Variants in ASAP1 observed in about 807,000 individuals in gnomAD.
The protein encoded by ASAP1 is ArfGAP with SH3 domain, ankyrin repeat and PH domain 1, also known as arf-GAP with SH3 domain, ANK repeat and PH domain-containing protein 1.
In ASAP1, 43 loss-of-function variants were observed where a neutral mutation model predicts 145.2. That is an observed-to-expected ratio of 0.30 (90% CI 0.23 to 0.38). The LOEUF (loss-of-function observed/expected upper bound fraction) is 0.38, where lower values mean the gene tolerates loss of function less well. Ranked by LOEUF, ASAP1 falls within the 10% of genes least tolerant of loss-of-function variation. The probability of loss-of-function intolerance (pLI) is 1.00; values close to 1 mark genes in which losing one functional copy is unlikely to be tolerated. For synonymous variants in ASAP1, 546 were observed against 515.5 expected (o/e 1.06, Z -0.80); for missense variants, 1,018 against 1,355.3 (o/e 0.75, Z 3.91).
intron 12 of ASAP1, among the ~76,000 whole-genome samples, chr8:130,155,634 A>C (rs2097656954): frequency 6.6e-6 from 1 of 152,244 alleles, no homozygotes; most frequent in Non-Finnish European, 1.5e-5. Context: ...GGCATGAGCC[A>C]CTGCGCCCAG....
At chr8:130,283,371 G>A (rs1821371454) in intron 3 of ASAP1, among the ~76,000 whole-genome samples, 1 of 152,098 alleles carries the variant, frequency 6.6e-6, no homozygotes, top group Non-Finnish European at 1.5e-5. Context: ...ACGAGGTCAA[G>A]AGATCGAGAC....
chr8:130,170,033 T>C (rs1813471532), intron 9 of ASAP1, among the ~76,000 whole-genome samples: 1 of 152,208 alleles, frequency 6.6e-6, no homozygotes, highest in African/African-American at 2.4e-5. Flanking sequence ...TCTCTAACCA[T>C]GTCCCTACAG....
At chr8:130,057,873 C>T in intron 29 of ASAP1, 81 bp downstream of exon 29, 1 of 1,566,528 alleles carries the variant, frequency 6.4e-7, no homozygotes, top group South Asian at 1.1e-5. Context: ...TTTTACTGCA[C>T]TGTCTGTAGG....
intron 25 of ASAP1, among the ~76,000 whole-genome samples, chr8:130,085,247 C>A (rs887685542): frequency 6.6e-6 from 1 of 152,148 alleles, no homozygotes; most frequent in Non-Finnish European, 1.5e-5. Context: ...TTTGCTCTTG[C>A]CTGTAAGAAT....
chr8:130,380,104 G>T (rs563637872), intron 2 of ASAP1, among the ~76,000 whole-genome samples: 1 of 152,300 alleles, frequency 6.6e-6, no homozygotes, highest in Admixed American at 6.5e-5. Context: ...TCTCAGGTTG[G>T]GTTCCCCCAG....
At chr8:130,274,498 C>G (rs75688885) in intron 3 of ASAP1, among the ~76,000 whole-genome samples, 1 of 151,822 alleles carries the variant, frequency 6.6e-6, no homozygotes. Flanking sequence ...CCAGACCACT[C>G]GATCTACCTT....
chr8:130,286,193 G>C (rs906824629), intron 3 of ASAP1, among the ~76,000 whole-genome samples: 31 of 152,184 alleles, frequency 2.0e-4, no homozygotes, highest in Non-Finnish European at 8.8e-5. Context: ...GTAGGTTTTA[G>C]ACACCAGGAC....
chr8:130,150,755 C>T (rs1381786466), intron 13 of ASAP1, among the ~76,000 whole-genome samples: 2 of 152,112 alleles, frequency 1.3e-5, no homozygotes, highest in African/African-American at 2.4e-5. Flanking sequence ...TGAAGTGTGC[C>T]TGCATTCCCA....
At chr8:130,269,869 C>A (rs566118914) in intron 3 of ASAP1, among the ~76,000 whole-genome samples, 1 of 152,134 alleles carries the variant, frequency 6.6e-6, no homozygotes, top group African/African-American at 2.4e-5. Flanking sequence ...TTGAGGCATT[C>A]GTTCCAAGTT....
chr8:130,340,580 GA>G (rs1358582786), intron 3 of ASAP1, among the ~76,000 whole-genome samples: 8 of 152,160 alleles, frequency 5.3e-5, no homozygotes, highest in Non-Finnish European at 2.9e-5. Context: ...CTTAAACTTT[GA>G]ATTTAAAAAT....
intron 18 of ASAP1, among the ~76,000 whole-genome samples, chr8:130,123,022 C>T (rs1370141327): frequency 2.6e-5 from 4 of 152,142 alleles, no homozygotes; most frequent in Non-Finnish European, 4.4e-5. Context: ...GGTAGTTTTA[C>T]AATCAAATTA....
chr8:130,054,965 C>T (rs574929426), intron 29 of ASAP1, among the ~76,000 whole-genome samples, 160 bp from the exon 30 acceptor site: 38 of 152,190 alleles, frequency 2.5e-4, no homozygotes, highest in Non-Finnish European at 5.3e-4. Flanking sequence ...GAGAGCTTAA[C>T]GGTCATAAAC....
chr8:130,263,150 T>G (rs751945214), intron 3 of ASAP1, among the ~76,000 whole-genome samples: 6 of 152,172 alleles, frequency 3.9e-5, no homozygotes, highest in Non-Finnish European at 7.3e-5. Flanking sequence ...AAACTTACCT[T>G]CAAAATGCCC....
intron 1 of ASAP1, among the ~76,000 whole-genome samples, chr8:130,434,662 G>C (rs1295343319): frequency 6.6e-6 from 1 of 152,180 alleles, no homozygotes; most frequent in Non-Finnish European, 1.5e-5. Context: ...CAGCCCACTG[G>C]AGGGGTCATG....
intron 5 of ASAP1, among the ~76,000 whole-genome samples, chr8:130,211,915 G>A (rs906965104): frequency 2.1e-4 from 32 of 152,304 alleles, no homozygotes; most frequent in African/African-American, 7.5e-4. Context: ...AATCTTCTGA[G>A]AAGTATGGGT....
chr8:130,292,140 G>C (rs77162821), intron 3 of ASAP1, among the ~76,000 whole-genome samples: 5,333 of 152,192 alleles, frequency 0.035, 127 homozygotes, highest in Middle Eastern at 0.068. Context: ...AATCTATAAA[G>C]AGCAGACTAT....
intron 13 of ASAP1, among the ~76,000 whole-genome samples, chr8:130,141,910 A>T (rs2097612664): frequency 6.6e-6 from 1 of 151,640 alleles, no homozygotes; most frequent in Non-Finnish European, 1.5e-5. Context: ...TAGAGATGGG[A>T]TCTTGGTTTG....
intron 3 of ASAP1, among the ~76,000 whole-genome samples, chr8:130,242,271 A>AC (rs1818575690): frequency 6.0e-5 from 9 of 150,086 alleles, no homozygotes; most frequent in African/African-American, 2.2e-4. Context: ...TAAAAAAAAA[A>AC]AAAAAAAAAA....
chr8:130,073,934 G>C (rs571719816), intron 27 of ASAP1, among the ~76,000 whole-genome samples: 35 of 152,304 alleles, frequency 2.3e-4, no homozygotes, highest in African/African-American at 8.2e-4. Context: ...GAACACGTTA[G>C]ATGAACAAAC....
Sources: allele counts gnomAD v4.1 joint callset (sites outside exome capture counted in the v4.1 genomes callset), GRCh38; gene constraint gnomAD v4.1.1; transcripts MANE v1.5; gene names NCBI Gene and HGNC (gene_info 2026-07-23, HGNC 2026-07-21).